Variants in KCNK2 observed in about 807,000 individuals in gnomAD.
The protein encoded by KCNK2 is potassium channel subfamily K member 2.
A neutral mutation model predicts 40.5 loss-of-function variants in KCNK2; 21 were observed. The observed-to-expected ratio is 0.52, with a 90% CI of 0.37 to 0.75. The LOEUF is 0.75. Ranked by LOEUF, KCNK2 falls within the 30% of genes least tolerant of loss-of-function variation. The probability of loss-of-function intolerance (pLI) is 0.00; values close to 1 mark genes in which losing one functional copy is unlikely to be tolerated. For synonymous variants in KCNK2, 191 were observed against 202.2 expected (o/e 0.94, Z 0.47); for missense variants, 399 against 531.6 (o/e 0.75, Z 2.45).
chr1:215,032,388 A>G (rs1657233673), intron 1 of KCNK2, among the ~76,000 whole-genome samples: 1 of 152,130 alleles, frequency 6.6e-6, no homozygotes, highest in South Asian at 2.1e-4. Flanking sequence ...AGCCTGGGTG[A>G]CAGAGTGAGA....
intron 2 of KCNK2, among the ~76,000 whole-genome samples, chr1:215,099,429 G>A (rs1185924507): frequency 6.6e-6 from 1 of 151,930 alleles, no homozygotes. Flanking sequence ...ACATACATGA[G>A]AGAGTTCTAG....
At chr1:215,199,053 A>C (rs776860571) in intron 6 of KCNK2, among the ~76,000 whole-genome samples, 24 of 152,158 alleles carry the variant, frequency 1.6e-4, no homozygotes, top group Non-Finnish European at 3.4e-4. Flanking sequence ...GCTGTGGCTC[A>C]TGCCTGTACT....
rs564116812 is a variant in KCNK2 at position 215,215,403 on chromosome 1, C to T, written c.964-19425C>T. Among the ~76,000 whole-genome samples the T allele has an allele frequency of 4.6e-5, 7 of 152,094 alleles. No homozygotes were observed. In the East Asian group the frequency reaches 1.2e-3, roughly 25 times the overall value. ...AACAGAAACCCATTATAACACAGCT[C>T]CCTGTTAAATGGATACAAAAAAATA... On this transcript the variant is annotated intron_variant, in intron 6 of 6. Coordinates refer to ENST00000444842, the MANE Select transcript of KCNK2 (RefSeq NM_001017425.3).
chr1:215,152,716 C>T (rs894851395), intron 3 of KCNK2, among the ~76,000 whole-genome samples: 6 of 152,052 alleles, frequency 3.9e-5, no homozygotes, highest in Non-Finnish European at 7.4e-5. Context: ...TGATTTGTTT[C>T]TATGTATAGC....
chr1:215,205,037 ATC>A (rs757460698), intron 6 of KCNK2, among the ~76,000 whole-genome samples: 5 of 152,176 alleles, frequency 3.3e-5, no homozygotes, highest in Admixed American at 6.5e-5. Context: ...CACACATACA[ATC>A]TCTTATTTCA....
chr1:215,130,700 G>A (rs1338430091), intron 3 of KCNK2, among the ~76,000 whole-genome samples: 1 of 152,068 alleles, frequency 6.6e-6, no homozygotes, highest in East Asian at 1.9e-4. Flanking sequence ...AATCCATATG[G>A]GAAAAGATGT....
intron 5 of KCNK2, among the ~76,000 whole-genome samples, chr1:215,187,509 A>G (rs1664489903): frequency 6.6e-6 from 1 of 151,116 alleles, no homozygotes; most frequent in Non-Finnish European, 1.5e-5. Flanking sequence ...CTTTTTTACA[A>G]CTTGTCTTCT....
At chr1:215,170,598 A>G (rs1663665837) in intron 4 of KCNK2, among the ~76,000 whole-genome samples, 1 of 152,178 alleles carries the variant, frequency 6.6e-6, no homozygotes, top group Admixed American at 6.6e-5. Context: ...TTTGGATTAC[A>G]GTTCCAGTTT....
At chr1:215,193,848 G>A (rs1664761258) in intron 5 of KCNK2, among the ~76,000 whole-genome samples, 1 of 152,136 alleles carries the variant, frequency 6.6e-6, no homozygotes, top group Admixed American at 6.6e-5. Context: ...TACATGTGGA[G>A]ATTCATCCAT....
At chr1:215,107,315 C>T (rs183946357) in intron 2 of KCNK2, among the ~76,000 whole-genome samples, 19 of 151,920 alleles carry the variant, frequency 1.3e-4, no homozygotes, top group East Asian at 5.8e-4. Context: ...CTTGGTTAGA[C>T]GTATTCCTAG....
At chr1:215,195,628 A>C (rs1278174529) in intron 6 of KCNK2, among the ~76,000 whole-genome samples, 1 of 152,168 alleles carries the variant, frequency 6.6e-6, no homozygotes, top group Non-Finnish European at 1.5e-5. Flanking sequence ...CAATTTTAAA[A>C]GGTGTCAATT....
intron 5 of KCNK2, among the ~76,000 whole-genome samples, chr1:215,176,439 AC>A (rs1027697736): frequency 6.6e-6 from 1 of 152,030 alleles, no homozygotes; most frequent in African/African-American, 2.4e-5. Flanking sequence ...TCAACCCATC[AC>A]CTAGATATTA....
intron 6 of KCNK2, among the ~76,000 whole-genome samples, chr1:215,204,952 A>G (rs1360098280): frequency 6.6e-6 from 1 of 152,194 alleles, no homozygotes; most frequent in Admixed American, 6.5e-5. Flanking sequence ...CTTGATTTGA[A>G]CCAAATGAAC....
intron 1 of KCNK2, among the ~76,000 whole-genome samples, chr1:215,071,090 A>C (rs893374749): frequency 6.6e-6 from 1 of 152,174 alleles, no homozygotes; most frequent in Non-Finnish European, 1.5e-5. Context: ...TTTTTATTTA[A>C]ATTATAGTTA....
intron 6 of KCNK2, among the ~76,000 whole-genome samples, chr1:215,231,104 C>T (rs4633260): frequency 0.045 from 6,776 of 152,168 alleles, 471 homozygotes; most frequent in African/African-American, 0.15. Context: ...TGAAACTTCT[C>T]GAGAAAATTC....
intron 1 of KCNK2, among the ~76,000 whole-genome samples, chr1:215,048,819 G>A (rs979277291): frequency 6.6e-6 from 1 of 152,122 alleles, no homozygotes; most frequent in Non-Finnish European, 1.5e-5. Flanking sequence ...ATGCATCTGA[G>A]TTTGCATGTA....
At chr1:215,138,304 C>G (rs140519221) in intron 3 of KCNK2, among the ~76,000 whole-genome samples, 1 of 152,148 alleles carries the variant, frequency 6.6e-6, no homozygotes, top group East Asian at 1.9e-4. Context: ...AAATATGATA[C>G]AAAATGTTAC....
chr1:215,218,007 CA>C (rs1666025385), intron 6 of KCNK2, among the ~76,000 whole-genome samples: 1 of 151,996 alleles, frequency 6.6e-6, no homozygotes, highest in African/African-American at 2.4e-5. Context: ...GCTAGAAGTC[CA>C]AAGAAGAAAT....
chr1:215,094,132 A>G lies in KCNK2; in HGVS notation c.357+7454A>G, dbSNP rs1659876117. Among the ~76,000 whole-genome samples, 4 of 150,582 alleles carry G rather than the reference A, an allele frequency of 2.7e-5. No individual in the cohort carries two copies. In the South Asian group the frequency reaches 8.3e-4, roughly 31 times the overall value. On this transcript the variant is annotated intron_variant, in intron 2 of 6. Coordinates refer to ENST00000444842, the MANE Select transcript of KCNK2 (RefSeq NM_001017425.3). ...TGGATATTTGACTTCAGTCTTAGAA[A>G]GAGTACAATTATTTTTTATTTATGG... is the stretch of plus-strand genomic sequence containing the variant.
Sources: gnomAD v4.1 joint callset for allele counts (sites outside exome capture counted in the v4.1 genomes callset) on GRCh38, gnomAD v4.1.1 for gene constraint, MANE v1.5 for transcripts, NCBI Gene and HGNC (gene_info 2026-07-23, HGNC 2026-07-21) for gene names.